The following ERC2 variants were observed in gnomAD, a reference collection of about 807,000 sequenced individuals.
The protein encoded by ERC2 is ERC protein 2.
A neutral mutation model predicts 114.8 loss-of-function variants in ERC2; 42 were observed. The observed-to-expected ratio is 0.37, with a 90% CI of 0.29 to 0.47. ERC2 has a LOEUF of 0.47. Among genes scored for constraint, ERC2 ranks in the 20% least tolerant of loss-of-function variants. The probability of loss-of-function intolerance (pLI) is 0.99; values close to 1 mark genes in which losing one functional copy is unlikely to be tolerated. For missense variants in ERC2, 939 were observed against 1,150.7 expected, an observed-to-expected ratio of 0.82 and a Z score of 2.66; for synonymous variants, 454 against 425.5, an observed-to-expected ratio of 1.07 and a Z score of -0.82.
At position 56,018,481 on chromosome 3, in the gene ERC2, G is replaced by A. The variant is rs570261822; in HGVS notation, c.1779+413C>T. 2.0e-4 allele frequency among the ~76,000 whole-genome samples: 31 copies of A among 152,220 alleles called. 1 individual carries two copies. In the Middle Eastern group the frequency reaches 0.014, roughly 67 times the overall value. ...AATCTAGAAGCCCCACATAACTAGG[G>A]AACAGAGAACCTGGAAAAAGAGAAA... On this transcript the variant is annotated intron_variant, in intron 8 of 17. Coordinates refer to ENST00000288221, the MANE Select transcript of ERC2 (RefSeq NM_015576.3).
chr3:56,118,298 G>A (rs1046758799), intron 6 of ERC2, among the ~76,000 whole-genome samples: 3 of 152,158 alleles, frequency 2.0e-5, no homozygotes, highest in Admixed American at 6.5e-5. Context: ...CTACCTCAGA[G>A]GATCATTGTG....
At chr3:56,209,656 T>G (rs1487506448) in intron 3 of ERC2, among the ~76,000 whole-genome samples, 1 of 152,162 alleles carries the variant, frequency 6.6e-6, no homozygotes, top group Non-Finnish European at 1.5e-5. Context: ...CCCAAAGTCC[T>G]CTCACAGGTA....
chr3:55,561,664 G>GGGCTACTCGCTTTTT (rs1559656300), intron 17 of ERC2, among the ~76,000 whole-genome samples: 1 of 152,022 alleles, frequency 6.6e-6, no homozygotes, highest in East Asian at 1.9e-4. Flanking sequence ...TAGGCATGGT[G>GGGCTACTCGCTTTTT]GGCTACTCGC....
intron 2 of ERC2, among the ~76,000 whole-genome samples, chr3:56,305,045 C>T (rs1210733279): frequency 6.6e-6 from 1 of 151,948 alleles, no homozygotes; most frequent in African/African-American, 2.4e-5. Context: ...AAGGAAAGTT[C>T]TATTATCATC....
chr3:55,574,367 A>G (rs943192541), intron 17 of ERC2, among the ~76,000 whole-genome samples: 1 of 152,146 alleles, frequency 6.6e-6, no homozygotes, highest in African/African-American at 2.4e-5. Flanking sequence ...GATAAAACAA[A>G]CTTTTATCTC....
In ERC2 at chr3:56,170,596, T is replaced by TTTTTTG. The variant is rs1553861391; in HGVS notation, c.1149+2849_1149+2850insCAAAAA. Reference sequence around the variant, plus strand: ...AAGAAATCTCTTCTGTTTTTTTTTTTTTTTTTTTTTTTTTTTTTGAGGTAG... The same window carrying TTTTTTG: ...AAGAAATCTCTTCTGTTTTTTTTTTTTTTTTGTTTTTTTTTTTTTTTTTTGAGGTAG... On this transcript the variant is annotated intron_variant, in intron 4 of 17. Coordinates refer to ENST00000288221, the MANE Select transcript of ERC2 (RefSeq NM_015576.3). 2.3e-3 allele frequency among the ~76,000 whole-genome samples: 21 copies of TTTTTTG among 9,300 alleles called. 2 individuals carry two copies. The highest frequency in any genetic ancestry group is 0.062 in the Middle Eastern group (1 of 16). 6.1% of individuals were successfully genotyped at this position (9,300 alleles called of 152,430 possible). A position where few individuals can be genotyped will look rare whatever the true frequency, so the allele number is the denominator to read the frequency against.
chr3:55,820,449 G>C (rs780775564), intron 14 of ERC2, among the ~76,000 whole-genome samples: 7 of 152,196 alleles, frequency 4.6e-5, no homozygotes, highest in Admixed American at 1.3e-4. Flanking sequence ...TGTTGTCACA[G>C]AAATCAACTC....
intron 3 of ERC2, among the ~76,000 whole-genome samples, chr3:56,248,872 A>G (rs1373524682): frequency 6.6e-6 from 1 of 152,262 alleles, no homozygotes; most frequent in East Asian, 1.9e-4. Context: ...ACGTACACAG[A>G]AAAGAGTTCT....
intron 2 of ERC2, among the ~76,000 whole-genome samples, chr3:56,431,205 C>T (rs2061775038): frequency 6.6e-6 from 1 of 152,190 alleles, no homozygotes; most frequent in African/African-American, 2.4e-5. Context: ...GAAACAACAG[C>T]AATAGCAGAA....
At chr3:56,046,966 A>G (rs2075500447) in intron 7 of ERC2, among the ~76,000 whole-genome samples, 1 of 152,210 alleles carries the variant, frequency 6.6e-6, no homozygotes. Context: ...CCGCTAGTGG[A>G]AAGGAGTCTG....
intron 2 of ERC2, among the ~76,000 whole-genome samples, chr3:56,347,096 C>A (rs1407044637): frequency 1.3e-5 from 2 of 152,084 alleles, no homozygotes; most frequent in East Asian, 3.9e-4. Flanking sequence ...GCAATTTAAT[C>A]CCAAACTGGG....
At chr3:56,204,922 CTGTGTG>C (rs58831473) in intron 3 of ERC2, among the ~76,000 whole-genome samples, 9 of 150,036 alleles carry the variant, frequency 6.0e-5, no homozygotes, top group Non-Finnish European at 7.4e-5. Flanking sequence ...TGGGACGTGT[CTGTGTG>C]TGTGTGTGTG....
intron 17 of ERC2, among the ~76,000 whole-genome samples, chr3:55,617,755 A>C (rs1423612382): frequency 5.3e-5 from 8 of 152,246 alleles, no homozygotes; most frequent in Non-Finnish European, 1.0e-4. Context: ...CAGACCCCTC[A>C]AATGACCAAG....
intron 2 of ERC2, among the ~76,000 whole-genome samples, chr3:56,395,219 T>C (rs1211257728): frequency 6.6e-6 from 1 of 152,154 alleles, no homozygotes; most frequent in East Asian, 1.9e-4. Flanking sequence ...TAGTTGGTTA[T>C]CTCTTTAATT....
At chr3:55,922,338 G>GA (rs965158699) in intron 13 of ERC2, among the ~76,000 whole-genome samples, 25 of 149,488 alleles carry the variant, frequency 1.7e-4, no homozygotes, top group Middle Eastern at 3.4e-3. Flanking sequence ...CCTCCACACT[G>GA]AAAAAAAAAA....
intron 4 of ERC2, among the ~76,000 whole-genome samples, chr3:56,163,190 G>A (rs889797783): frequency 7.9e-5 from 12 of 151,950 alleles, no homozygotes; most frequent in Non-Finnish European, 1.6e-4. Flanking sequence ...AGATCTTCTT[G>A]GTATTGATTT....
chr3:55,834,245 C>G (rs1010290163), intron 14 of ERC2, among the ~76,000 whole-genome samples: 1 of 152,164 alleles, frequency 6.6e-6, no homozygotes, highest in African/African-American at 2.4e-5. Flanking sequence ...GAACTCAGCT[C>G]TGCACCAAGT....
chr3:55,723,679 T>C (rs1013225975), intron 15 of ERC2, among the ~76,000 whole-genome samples: 2 of 152,206 alleles, frequency 1.3e-5, no homozygotes, highest in African/African-American at 4.8e-5. Flanking sequence ...AAAAATCCTT[T>C]TCCTTAATTT....
intron 2 of ERC2, among the ~76,000 whole-genome samples, chr3:56,413,639 A>G (rs1221061078): frequency 6.6e-6 from 1 of 152,028 alleles, no homozygotes; most frequent in African/African-American, 2.4e-5. Context: ...CCAAAACCCC[A>G]CCCAAACTCC....
Sources: allele counts gnomAD v4.1 joint callset (sites outside exome capture counted in the v4.1 genomes callset), GRCh38; gene constraint gnomAD v4.1.1; transcripts MANE v1.5; gene names NCBI Gene and HGNC (gene_info 2026-07-23, HGNC 2026-07-21).